Variants in PIGN observed in about 807,000 individuals in gnomAD.
PIGN encodes GPI ethanolamine phosphate transferase 1.
A neutral mutation model predicts 125.4 loss-of-function variants in PIGN; 117 were observed. That is an observed-to-expected ratio of 0.93 (90% confidence interval 0.80 to 1.09). The LOEUF (loss-of-function observed/expected upper bound fraction) is 1.09, where lower values mean the gene tolerates loss of function less well. Ranked by LOEUF, PIGN falls within the 50% of genes least tolerant of loss-of-function variation. The pLI, the probability that PIGN is intolerant of heterozygous loss-of-function variation, is 0.00. For synonymous variants in PIGN, 392 were observed against 377.8 expected (o/e 1.04, Z -0.44); for missense variants, 1,075 against 1,094.9 (o/e 0.98, Z 0.26).
At chr18:62,035,204 G>GT (rs2030243854) in intron 23 of PIGN, among the ~76,000 whole-genome samples, 1 of 152,262 alleles carries the variant, frequency 6.6e-6, no homozygotes, top group East Asian at 1.9e-4. Context: ...ATGTGGAACT[G>GT]TAAGTCCATT....
At chr18:62,025,282 A>G (rs1391257696) in intron 23 of PIGN, among the ~76,000 whole-genome samples, 2 of 152,184 alleles carry the variant, frequency 1.3e-5, no homozygotes, top group Non-Finnish European at 2.9e-5. Flanking sequence ...TTCAGTCAAC[A>G]TTAGGTTTTT....
intron 30 of PIGN, among the ~76,000 whole-genome samples, chr18:62,053,963 C>T (rs1029103730): frequency 6.6e-6 from 1 of 152,134 alleles, no homozygotes; most frequent in African/African-American, 2.4e-5. Context: ...TTACCAAACA[C>T]TTGGAAACTA....
At chr18:62,139,784 G>T (rs2036069555) in intron 12 of PIGN, among the ~76,000 whole-genome samples, 1 of 152,118 alleles carries the variant, frequency 6.6e-6, no homozygotes. Context: ...AGAAACTAAG[G>T]TATAATGCTA....
intron 23 of PIGN, 64 bp from the exon 24 acceptor site, chr18:62,090,642 T>A: frequency 2.4e-6 from 2 of 839,796 alleles, no homozygotes; most frequent in Non-Finnish European, 1.9e-6. Context: ...AAATGCAAAT[T>A]TACACTGAGG....
At chr18:62,160,972 T>C (rs2036930761) in intron 4 of PIGN, among the ~76,000 whole-genome samples, 161 bp downstream of exon 4, 2 of 152,182 alleles carry the variant, frequency 1.3e-5, no homozygotes, top group Admixed American at 6.5e-5. Flanking sequence ...AAGTAGCATC[T>C]AGTGCTGACC....
chr18:62,129,397 C>A (rs1237836302), intron 14 of PIGN, among the ~76,000 whole-genome samples: 2 of 152,194 alleles, frequency 1.3e-5, no homozygotes, highest in Admixed American at 6.5e-5. Flanking sequence ...GCTGTTACTA[C>A]CTCAGAAGTG....
intron 10 of PIGN, among the ~76,000 whole-genome samples, chr18:62,144,692 T>C (rs1017131670): frequency 5.3e-5 from 8 of 152,244 alleles, no homozygotes; most frequent in African/African-American, 1.9e-4. Flanking sequence ...TTCTAGGGTA[T>C]AAATGTATGG....
At chr18:62,037,287 T>C (rs2030273067), downstream of PIGN, among the ~76,000 whole-genome samples, 1 of 152,234 alleles carries the variant, frequency 6.6e-6, no homozygotes, top group South Asian at 2.1e-4. Flanking sequence ...GACTAGCAAA[T>C]CAACTTGCCA....
rs1201453046 is a variant in PIGN, at chr18:62,041,628, A to ACCACCC, written c.*4222_*4227dup. Reference sequence around the variant, plus strand: ...TGAGTAGCAAGGATTACAGGAGCCTACCACCCCGCCGGGTGTGTGTGTGTG... The same window carrying ACCACCC: ...TGAGTAGCAAGGATTACAGGAGCCTACCACCCCCACCCCGCCGGGTGTGTGTGTGTG... On this transcript the variant is annotated 3_prime_UTR_variant, in exon 31 of 31. Transcript: ENST00000640252. 7.4e-6 allele frequency: 1 copy of ACCACCC among 135,778 alleles called. No homozygotes were observed. Among genetic ancestry groups the ACCACCC allele is most frequent in the African/African-American group, 2.8e-5 (1 of 35,710 alleles). 8.4% of individuals were successfully genotyped at this position (135,778 alleles called of 1,614,324 possible).
chr18:62,040,374 C>T (rs2144918287), downstream of PIGN, among the ~76,000 whole-genome samples: 1 of 152,322 alleles, frequency 6.6e-6, no homozygotes, highest in East Asian at 1.9e-4. Context: ...GTTTCTCAGC[C>T]TTTTCTCGTT....
intron 7 of PIGN, among the ~76,000 whole-genome samples, chr18:62,148,633 A>C (rs919466937): frequency 6.6e-6 from 1 of 152,166 alleles, no homozygotes; most frequent in Non-Finnish European, 1.5e-5. Flanking sequence ...AACTTAATAA[A>C]ATACAGCAGA....
chr18:62,086,400 C>T lies in PIGN; in HGVS notation c.2371-1136G>A, dbSNP rs764451331. On this transcript the variant is annotated intron_variant, in intron 25 of 30. Transcript: ENST00000640252. ...TAGGGAGGCTGAGGCGGGCAGACCACGGGGTCAAGAGATCAAGACCATCCT... is the reference window on the plus strand; with the variant it reads ...TAGGGAGGCTGAGGCGGGCAGACCATGGGGTCAAGAGATCAAGACCATCCT... 4.6e-5 allele frequency among the ~76,000 whole-genome samples: 7 copies of T among 152,030 alleles called. No individual in the cohort carries two copies. In the East Asian group the frequency reaches 5.8e-4, roughly 13 times the overall value.
At chr18:62,185,386 TA>T (rs916036760) in intron 1 of PIGN, among the ~76,000 whole-genome samples, 3 of 152,106 alleles carry the variant, frequency 2.0e-5, no homozygotes, top group South Asian at 2.1e-4. Context: ...TAATGTCCTA[TA>T]AAAAAATAGT....
rs921887341 is a variant in PIGN at position 62,106,697 on chromosome 18, C to T, written c.1767+92G>A. 6.3e-6 allele frequency: 5 copies of T among 799,636 alleles called. No individual in the cohort carries two copies. The East Asian group carries it at 1.3e-4, about 21-fold the overall frequency. 49.5% of individuals were successfully genotyped at this position (799,636 alleles called of 1,614,324 possible). On this transcript the variant is annotated intron_variant, in intron 19 of 30. Transcript: ENST00000640252. ...CTTTTATGTAAGAACACATTCTACC[C>T]TTTTCTTTAAAAATAAACAGTTCCT...
At chr18:62,111,823 AC>A (rs1241060713) in intron 16 of PIGN, among the ~76,000 whole-genome samples, 1 of 152,166 alleles carries the variant, frequency 6.6e-6, no homozygotes, top group Non-Finnish European at 1.5e-5. Context: ...AAGATTGGAT[AC>A]CCTTGCCAGC....
intron 14 of PIGN, chr18:62,135,952 ACTT>A (rs1196420801): frequency 2.0e-5 from 3 of 152,114 alleles, no homozygotes; most frequent in Admixed American, 2.0e-4. Context: ...TTCCTTATTC[ACTT>A]CTTCATTTGG....
intron 8 of PIGN, 95 bp downstream of exon 8, chr18:62,148,117 GCT>G: frequency 1.1e-6 from 1 of 896,864 alleles, no homozygotes; most frequent in East Asian, 3.1e-5. Context: ...TAAAATATTA[GCT>G]CTGTTGTTAT....
Position 62,157,696 on chromosome 18 carries a change from C to A in PIGN, c.334G>T (p.Val112Phe). 6.2e-7 allele frequency: 1 copy of A among 1,610,534 alleles called. No individual in the cohort carries two copies. The highest frequency in any genetic ancestry group is 8.5e-7 in the Non-Finnish European group (1 of 1,178,226). Reference sequence around the variant, plus strand: ...TCCAAATAGACAATACCTTTGGCAACTGCACTGACATCTTCATAAAACCCA... The same window carrying A: ...TCCAAATAGACAATACCTTTGGCAAATGCACTGACATCTTCATAAAACCCA... ...IAGFYEDVSA[V>F]AKGWKENPVE... Residue 112 changes from valine to phenylalanine, a missense_variant, in exon 5 of 31, where the codon GTT becomes TTT. Transcript: ENST00000640252.
intron 14 of PIGN, among the ~76,000 whole-genome samples, chr18:62,134,435 G>A (rs762365927): frequency 7.2e-5 from 11 of 151,912 alleles, no homozygotes; most frequent in African/African-American, 1.5e-4. Context: ...AACCTCTGAC[G>A]AATTCAACTA....
Sources: gnomAD v4.1 joint callset for allele counts (sites outside exome capture counted in the v4.1 genomes callset) on GRCh38, gnomAD v4.1.1 for gene constraint, MANE v1.5 for transcripts, NCBI Gene and HGNC (gene_info 2026-07-23, HGNC 2026-07-21) for gene names.